Variants in LRRFIP1 observed in about 807,000 individuals in gnomAD.
LRRFIP1 encodes leucine-rich repeat flightless-interacting protein 1.
Under a neutral mutation model 104.4 loss-of-function variants are expected in LRRFIP1, and 62 were observed. The observed-to-expected ratio is 0.59, with a 90% CI of 0.48 to 0.73. The LOEUF (loss-of-function observed/expected upper bound fraction) is 0.73. LRRFIP1 is among the 30% of genes least tolerant of loss of function. The pLI, the probability that LRRFIP1 is intolerant of heterozygous loss-of-function variation, is 0.00. For synonymous variants in LRRFIP1, 300 were observed against 299.0 expected (o/e 1.00, Z -0.03); for missense variants, 796 against 824.5 (o/e 0.97, Z 0.42).
chr2:237,752,391 G>T (rs909445272), intron 14 of LRRFIP1, among the ~76,000 whole-genome samples: 2 of 152,350 alleles, frequency 1.3e-5, no homozygotes, highest in African/African-American at 4.8e-5. Context: ...GGGTGACAGA[G>T]CGAGACACTG....
chr2:237,644,410 T>G (rs2084540797), intron 1 of LRRFIP1, among the ~76,000 whole-genome samples: 1 of 152,198 alleles, frequency 6.6e-6, no homozygotes, highest in South Asian at 2.1e-4. Flanking sequence ...GTGCAATAAA[T>G]AGCCACCTTT....
chr2:237,675,121 G>C (rs927288660), intron 1 of LRRFIP1, among the ~76,000 whole-genome samples: 3 of 152,200 alleles, frequency 2.0e-5, no homozygotes, highest in Admixed American at 6.5e-5. Context: ...ACCCTCACCA[G>C]TCCCTCCTGA....
intron 1 of LRRFIP1, among the ~76,000 whole-genome samples, chr2:237,679,072 C>A (rs562746270): frequency 2.2e-4 from 34 of 152,290 alleles, no homozygotes; most frequent in African/African-American, 8.2e-4. Flanking sequence ...CCACAGTAGA[C>A]AATTGTACTC....
rs1370543017 is a variant in LRRFIP1 at position 237,692,484 on chromosome 2, G to A, written c.97-16060G>A. The A allele has an allele frequency of 3.9e-6, 6 of 1,532,474 alleles. No individual in the cohort carries two copies. The East Asian group carries it at 7.7e-5, about 20-fold the overall frequency. 94.9% of individuals were successfully genotyped at this position (1,532,474 alleles called of 1,614,324 possible). ...ACCAGCCCCGCGGCCGCTCAAAGCC[G>A]GGAGATCGACTGTTTGAGCCCGGAA... On this transcript the variant is annotated intron_variant, in intron 1 of 23. Coordinates refer to ENST00000308482, the MANE Select transcript of LRRFIP1 (RefSeq NM_001137550.2).
intron 1 of LRRFIP1, among the ~76,000 whole-genome samples, chr2:237,639,220 G>A (rs114211941): frequency 0.012 from 1,806 of 152,322 alleles, 12 homozygotes; most frequent in Middle Eastern, 0.031. Context: ...TGGGGGTTGG[G>A]TGGAGCTTGT....
chr2:237,709,797 G>A (rs1046492311), intron 2 of LRRFIP1, among the ~76,000 whole-genome samples: 4 of 152,080 alleles, frequency 2.6e-5, no homozygotes, highest in African/African-American at 7.2e-5. Flanking sequence ...GGTGCCAGAG[G>A]CCACTAGAAG....
chr2:237,720,990 G>C, intron 6 of LRRFIP1, 168 bp downstream of exon 6: 4 of 630,514 alleles, frequency 6.3e-6, no homozygotes, highest in South Asian at 1.9e-5. Flanking sequence ...ATGTTTCTTT[G>C]TTGCTGTAGA....
chr2:237,736,395 A>G (rs746498052), intron 10 of LRRFIP1, among the ~76,000 whole-genome samples: 1 of 152,222 alleles, frequency 6.6e-6, no homozygotes, highest in Non-Finnish European at 1.5e-5. Flanking sequence ...ACCATGCATG[A>G]AGAATGAAAT....
Position 237,721,045 on chromosome 2 carries a change from G to A in LRRFIP1, c.345+223G>A, listed in dbSNP as rs528858669. 6.2e-5 allele frequency: 31 copies of A among 503,302 alleles called. 1 individual carries two copies. The South Asian group carries it at 6.6e-4, about 11-fold the overall frequency. 31.2% of individuals were successfully genotyped at this position (503,302 alleles called of 1,614,324 possible). On this transcript the variant is annotated intron_variant, in intron 6 of 23. Coordinates refer to ENST00000308482, the MANE Select transcript of LRRFIP1 (RefSeq NM_001137550.2). ...GGCACGTTGGTTGTTTCTTTCTCCC[G>A]AGATGAAGTCATCTTTTTTTCAATA...
intron 1 of LRRFIP1, among the ~76,000 whole-genome samples, chr2:237,653,506 T>A (rs961019237): frequency 6.6e-6 from 1 of 151,874 alleles, no homozygotes; most frequent in African/African-American, 2.4e-5. Context: ...ATAGAAAAAA[T>A]AAAATAAAAT....
At chr2:237,756,689 C>T (rs1464188313) in intron 16 of LRRFIP1, among the ~76,000 whole-genome samples, 2 of 152,210 alleles carry the variant, frequency 1.3e-5, no homozygotes, top group Non-Finnish European at 2.9e-5. Context: ...GAAACAGTCC[C>T]TCTCATTGGT....
chr2:237,700,619 A>G (rs2093463882), intron 1 of LRRFIP1, among the ~76,000 whole-genome samples: 1 of 151,980 alleles, frequency 6.6e-6, no homozygotes, highest in African/African-American at 2.4e-5. Context: ...TCTCTCCCTG[A>G]ACAGCCCCGT....
rs556080945 is a variant in LRRFIP1, at chr2:237,691,567, C to G, written c.97-16977C>G. 6.6e-6 allele frequency among the ~76,000 whole-genome samples: 1 copy of G among 152,218 alleles called. No homozygotes were observed. The highest frequency in any genetic ancestry group is 1.5e-5 in the Non-Finnish European group (1 of 68,038). On this transcript the variant is annotated intron_variant, in intron 1 of 23. Transcript: ENST00000308482. The surrounding 1 kb of genome is among the most constrained non-coding windows in gnomAD (Gnocchi z 5.4). ...CGGGATGCCGCGTTAGTGGGGTGCC[C>G]GGCCGGCAGGTGCAGCGGTGCTGGG...
At chr2:237,677,109 C>T (rs2091257018) in intron 1 of LRRFIP1, among the ~76,000 whole-genome samples, 1 of 152,194 alleles carries the variant, frequency 6.6e-6, no homozygotes. Flanking sequence ...TATACTCACC[C>T]TCTTGTGCAG....
chr2:237,749,833 GTAT>G (rs2058362721), intron 13 of LRRFIP1, among the ~76,000 whole-genome samples: 1 of 152,022 alleles, frequency 6.6e-6, no homozygotes, highest in African/African-American at 2.4e-5. Flanking sequence ...TGTAGTGTAG[GTAT>G]TATTCTCTGC....
chr2:237,747,197 G>A (rs569498097), intron 11 of LRRFIP1, among the ~76,000 whole-genome samples: 9 of 152,340 alleles, frequency 5.9e-5, no homozygotes, highest in African/African-American at 2.2e-4. Context: ...GATTAACCGA[G>A]TATTTTGTGG....
intron 19 of LRRFIP1, chr2:237,764,271 C>T (rs2150879228): frequency 1.3e-6 from 2 of 1,583,726 alleles, no homozygotes; most frequent in East Asian, 4.5e-5. Context: ...AGGTGCTCTA[C>T]TGCTTTAAGT....
chr2:237,644,269 A>G (rs2084513701), intron 1 of LRRFIP1, among the ~76,000 whole-genome samples: 1 of 152,252 alleles, frequency 6.6e-6, no homozygotes, highest in South Asian at 2.1e-4. Flanking sequence ...AAACTCTGCT[A>G]GGTTAATGGC....
rs568283534 is a variant in LRRFIP1 at position 237,632,364 on chromosome 2, C to T, written c.96+4624C>T. 1.1e-4 allele frequency among the ~76,000 whole-genome samples: 16 copies of T among 152,316 alleles called. No individual in the cohort carries two copies. The South Asian group carries it at 3.3e-3, about 32-fold the overall frequency. Reference sequence around the variant, plus strand: ...ACGTTTCCTGCTCCGGAGCTCTCTGCGGGCCAGGCTGAGGCCAACTCCTGC... The same window carrying T: ...ACGTTTCCTGCTCCGGAGCTCTCTGTGGGCCAGGCTGAGGCCAACTCCTGC... On this transcript the variant is annotated intron_variant, in intron 1 of 23. Coordinates refer to ENST00000308482, the MANE Select transcript of LRRFIP1 (RefSeq NM_001137550.2).
Sources: allele counts gnomAD v4.1 joint callset (sites outside exome capture counted in the v4.1 genomes callset), GRCh38; gene constraint gnomAD v4.1.1; non-coding constraint Gnocchi (gnomAD v3.1); transcripts MANE v1.5; gene names NCBI Gene and HGNC (gene_info 2026-07-23, HGNC 2026-07-21).